EVC2: variants seen among roughly 807,000 people sequenced by gnomAD.
EVC2 encodes limbin.
A neutral mutation model predicts 149.3 loss-of-function variants in EVC2; 148 were observed. The observed-to-expected ratio is 0.99, with a 90% CI of 0.87 to 1.14. The LOEUF (loss-of-function observed/expected upper bound fraction) is 1.14, where lower values mean the gene tolerates loss of function less well. EVC2 is among the 50% of genes most tolerant of loss of function. EVC2 has a pLI of 0.00. For synonymous variants in EVC2, 776 were observed against 649.9 expected, an observed-to-expected ratio of 1.19 and a Z score of -2.95; for missense variants, 1,854 against 1,627.3, an observed-to-expected ratio of 1.14 and a Z score of -2.40.
At position 5,657,061 on chromosome 4, in the gene EVC2, C is replaced by T. The variant is rs1718569878; in HGVS notation, c.1145+6046G>A. 2.0e-5 allele frequency among the ~76,000 whole-genome samples: 3 copies of T among 152,122 alleles called. No homozygotes were observed. Among genetic ancestry groups the T allele is most frequent in the Admixed American group, 6.5e-5 (1 of 15,272 alleles). On this transcript the variant is annotated intron_variant, in intron 9 of 21. Transcript: ENST00000344408. This position sits in a 1 kb window ranked among gnomAD's most constrained non-coding sequence, Gnocchi z 4.7. Reference sequence around the variant, plus strand: ...TAACCACTGGGCTCTATGCCCTGCCCGCCAGTGGCCTCCATGCCTCCATCC... The same window carrying T: ...TAACCACTGGGCTCTATGCCCTGCCTGCCAGTGGCCTCCATGCCTCCATCC...
At chr4:5,554,198 C>T (rs1051792710) in intron 21 of EVC2, among the ~76,000 whole-genome samples, 8 of 152,144 alleles carry the variant, frequency 5.3e-5, no homozygotes, top group East Asian at 1.9e-4. Context: ...TGGACCCATC[C>T]GAGAACTGAG....
At position 5,552,181 on chromosome 4, in the gene EVC2, C is replaced by T. The variant is rs1015183855; in HGVS notation, c.3420-8969G>A. Among the ~76,000 whole-genome samples the T allele has an allele frequency of 1.8e-4, 28 of 152,072 alleles. 1 individual carries two copies. Among genetic ancestry groups the T allele is most frequent in the Admixed American group, 1.7e-3 (26 of 15,270 alleles). ...TTTGTTATCCATTTTACATACTGAC[C>T]TTCTACTACGGAGATGAGGACTAAA... On this transcript the variant is annotated intron_variant and NMD_transcript_variant, in intron 21 of 22. Coordinates refer to the EVC2 transcript ENST00000475313.
At chr4:5,662,873 G>A (rs1718992669) in intron 9 of EVC2, among the ~76,000 whole-genome samples, 1 of 151,740 alleles carries the variant, frequency 6.6e-6, no homozygotes, top group Non-Finnish European at 1.5e-5. Flanking sequence ...GGTCACTTCT[G>A]TTTATGTTTC....
intron 8 of EVC2, among the ~76,000 whole-genome samples, chr4:5,663,658 C>T (rs1306510061): frequency 2.6e-5 from 4 of 152,292 alleles, no homozygotes; most frequent in East Asian, 1.9e-4. Context: ...TGGTGGCTCA[C>T]GCCTGTAATC....
upstream of EVC2, chr4:5,708,728 G>C (rs1722385674): frequency 1.3e-5 from 6 of 448,554 alleles, 1 homozygote; most frequent in Middle Eastern, 1.1e-3. Context: ...GCGCCCGGCG[G>C]CCAGGCCTGG....
intron 5 of EVC2, among the ~76,000 whole-genome samples, chr4:5,687,309 A>G (rs1720789077): frequency 6.6e-6 from 1 of 152,124 alleles, no homozygotes; most frequent in African/African-American, 2.4e-5. Context: ...AATACCTCCT[A>G]TTACCAGGAG....
At chr4:5,666,856 C>G (rs73065644) in intron 7 of EVC2, among the ~76,000 whole-genome samples, 17,161 of 152,138 alleles carry the variant, frequency 0.11, 2,803 homozygotes, top group African/African-American at 0.36. Context: ...GGAGAAGATG[C>G]TCTTTTCTCA....
rs1722012610 is a variant in EVC2 at position 5,562,442 on chromosome 4, G to C, written c.*406C>G. ...CATGGGTTTTGTAATAAACAGCTTT[G>C]TGCAAAACACATTTATTTTTTAAAA... On this transcript the variant is annotated 3_prime_UTR_variant, in exon 22 of 22. Transcript: ENST00000344408. The surrounding 1 kb of genome is among the most constrained non-coding windows in gnomAD (Gnocchi z 4.3). The C allele has an allele frequency of 1.9e-6, 2 of 1,048,974 alleles. No individual in the cohort carries two copies. Among genetic ancestry groups the C allele is most frequent in the Non-Finnish European group, 2.3e-6 (2 of 861,696 alleles). The allele number at this position is 1,048,974 out of a possible 1,614,324, so 65.0% of individuals were successfully genotyped here. A position where few individuals can be genotyped will look rare whatever the true frequency, so the allele number is the denominator to read the frequency against.
chr4:5,656,216 A>G (rs898060615), intron 9 of EVC2, among the ~76,000 whole-genome samples: 1 of 152,158 alleles, frequency 6.6e-6, no homozygotes, highest in Admixed American at 6.5e-5. Flanking sequence ...TTGCTGATGG[A>G]GAGGTAACCG....
At chr4:5,535,657 CTCTT>C in the EVC2 span, among the ~76,000 whole-genome samples, 7 of 134,674 alleles carry the variant, frequency 5.2e-5, no homozygotes, top group African/African-American at 2.1e-4. The surrounding 1 kb of genome is among the most constrained non-coding windows in gnomAD (Gnocchi z 4.7). Flanking sequence ...CCTGTTCTTC[CTCTT>C]TCTTTAAGGG....
At chr4:5,589,571 C>T (rs1052473206) in intron 16 of EVC2, among the ~76,000 whole-genome samples, 1 of 152,162 alleles carries the variant, frequency 6.6e-6, no homozygotes, top group African/African-American at 2.4e-5. Context: ...AAAGGGTCTA[C>T]CCTAGTAGAC....
chr4:5,574,547 T>TGC (rs1208410151), intron 19 of EVC2, 138 bp downstream of exon 19: 26 of 850,092 alleles, frequency 3.1e-5, no homozygotes, highest in Non-Finnish European at 4.9e-5. Flanking sequence ...ATGCTAGAGC[T>TGC]TCGCACACAT....
At position 5,630,217 on chromosome 4, in the gene EVC2, A is replaced by G. The variant is rs1191709252; in HGVS notation, c.1711-1483T>C. On this transcript the variant is annotated intron_variant, in intron 11 of 21. Coordinates refer to ENST00000344408, the MANE Select transcript of EVC2 (RefSeq NM_147127.5). The stretch of plus-strand genomic sequence containing the variant: ...TTCTGGGAATGGGAGGCTTGTGACG[A>G]TTACTCGGTCTCCTCCTGGGATGGC... Among the ~76,000 whole-genome samples the G allele has an allele frequency of 2.0e-5, 3 of 152,256 alleles. No individual in the cohort carries two copies. In the East Asian group the frequency reaches 5.8e-4, roughly 29 times the overall value.
intron 7 of EVC2, among the ~76,000 whole-genome samples, chr4:5,678,458 T>C (rs900368095): frequency 2.0e-5 from 3 of 152,214 alleles, no homozygotes; most frequent in African/African-American, 7.2e-5. Flanking sequence ...CCTGGGCTGA[T>C]TTTGCTTTGT....
intron 16 of EVC2, among the ~76,000 whole-genome samples, chr4:5,605,906 G>T (rs1447252280): frequency 6.6e-6 from 1 of 152,208 alleles, no homozygotes; most frequent in Non-Finnish European, 1.5e-5. Flanking sequence ...TGTGGCATGA[G>T]ACCTTCCTGT....
rs1054426234 is a variant in EVC2 at position 5,567,598 on chromosome 4, C to G, written c.3557+846G>C. 6.6e-6 allele frequency among the ~76,000 whole-genome samples: 1 copy of G among 152,100 alleles called. No homozygotes were observed. The highest frequency in any genetic ancestry group is 2.4e-5 in the African/African-American group (1 of 41,410). On this transcript the variant is annotated intron_variant, in intron 20 of 21. Transcript: ENST00000344408. This position sits in a 1 kb window ranked among gnomAD's most constrained non-coding sequence, Gnocchi z 4.4. Reference sequence around the variant, plus strand: ...TCAAGGGGTACTGCTGGCTGCCCCCCAAACCCGCCTTACTCCACACCCCTT... The same window carrying G: ...TCAAGGGGTACTGCTGGCTGCCCCCGAAACCCGCCTTACTCCACACCCCTT...
chr4:5,628,657 T>C lies in EVC2; in HGVS notation c.1788A>G (p.Glu596=), dbSNP rs2108847187. 1 of 1,613,954 alleles carries C rather than the reference T, an allele frequency of 6.2e-7. No individual in the cohort carries two copies. Among genetic ancestry groups the C allele is most frequent in the Non-Finnish European group, 8.5e-7 (1 of 1,180,000 alleles). Residue 596 remains glutamate (E), a synonymous_variant, in exon 12 of 22, where the codon GAA becomes GAG. Coordinates refer to ENST00000344408, the MANE Select transcript of EVC2 (RefSeq NM_147127.5). ...ATGACTGGAGGTTCTGGACCAGATA[T>C]TCCCTGTGGCCAAATCTTTTACTTA... The part of the protein sequence containing the change: ...YHLSKRFGHR[E]YLVQNLQSSE...
chr4:5,591,957 T>A (rs765037393), intron 16 of EVC2, among the ~76,000 whole-genome samples: 2 of 152,182 alleles, frequency 1.3e-5, no homozygotes, highest in African/African-American at 4.8e-5. Flanking sequence ...AAACAAAAAG[T>A]TTTTTCTATG....
At chr4:5,690,501 G>A (rs1721048781) in intron 4 of EVC2, among the ~76,000 whole-genome samples, 1 of 151,388 alleles carries the variant, frequency 6.6e-6, no homozygotes, top group South Asian at 2.1e-4. Flanking sequence ...CTGCTGTACT[G>A]AAATGACCTC....
Sources: gnomAD v4.1 joint callset for allele counts (sites outside exome capture counted in the v4.1 genomes callset) on GRCh38, gnomAD v4.1.1 for gene constraint, Gnocchi (gnomAD v3.1) non-coding constraint, MANE v1.5 for transcripts, NCBI Gene and HGNC (gene_info 2026-07-23, HGNC 2026-07-21) for gene names.